Variants in GRIA4 observed in about 807,000 individuals in gnomAD.
The protein encoded by GRIA4 is glutamate receptor 4.
GRIA4 carries 34 observed loss-of-function variants against 104.0 expected under a neutral mutation model. That is an observed-to-expected ratio of 0.33 (90% confidence interval 0.25 to 0.44). The LOEUF is 0.44. GRIA4 is among the 20% of genes least tolerant of loss of function. GRIA4 has a pLI of 1.00. For synonymous variants in GRIA4, 386 were observed against 381.9 expected (o/e 1.01, Z -0.13); for missense variants, 750 against 1,096.5 (o/e 0.68, Z 4.46).
At chr11:105,945,928 A>G (rs1948296366) in intron 14 of GRIA4, among the ~76,000 whole-genome samples, 1 of 152,194 alleles carries the variant, frequency 6.6e-6, no homozygotes, top group South Asian at 2.1e-4. Context: ...ACAGAAATAT[A>G]TCATTAAGAA....
At chr11:105,754,384 A>T (rs1345691408) in intron 4 of GRIA4, among the ~76,000 whole-genome samples, 1 of 152,206 alleles carries the variant, frequency 6.6e-6, no homozygotes, top group Non-Finnish European at 1.5e-5. Context: ...ACATATTAAA[A>T]TAATTGAGCC....
intron 4 of GRIA4, among the ~76,000 whole-genome samples, chr11:105,767,242 C>T (rs547079958): frequency 5.3e-5 from 8 of 152,076 alleles, no homozygotes; most frequent in Admixed American, 2.6e-4. Flanking sequence ...TTCTGAGGCC[C>T]GCTAATGAAT....
chr11:105,808,134 C>T (rs1943025422), intron 4 of GRIA4, among the ~76,000 whole-genome samples: 1 of 151,902 alleles, frequency 6.6e-6, no homozygotes, highest in Non-Finnish European at 1.5e-5. Flanking sequence ...AAAATCTTTT[C>T]CATTGATCTA....
At chr11:105,896,388 G>C (rs905664852) in intron 6 of GRIA4, among the ~76,000 whole-genome samples, 1 of 152,094 alleles carries the variant, frequency 6.6e-6, no homozygotes, top group Non-Finnish European at 1.5e-5. Context: ...TATTTACTCT[G>C]TTGATTGTTT....
chr11:105,718,528 GA>G (rs892123402), intron 3 of GRIA4, among the ~76,000 whole-genome samples: 5 of 152,178 alleles, frequency 3.3e-5, no homozygotes, highest in Admixed American at 6.6e-5. Context: ...AGCATTCAAA[GA>G]CCTTAAAACC....
chr11:105,799,546 G>A (rs1942628841), intron 4 of GRIA4, among the ~76,000 whole-genome samples: 1 of 152,056 alleles, frequency 6.6e-6, no homozygotes, highest in Admixed American at 6.6e-5. Context: ...GATAATAGCA[G>A]ATGGAACCCA....
chr11:105,746,789 A>C (rs1341245627), intron 3 of GRIA4, among the ~76,000 whole-genome samples: 1 of 152,132 alleles, frequency 6.6e-6, no homozygotes, highest in Non-Finnish European at 1.5e-5. Context: ...GAACTAAGAA[A>C]CAGAAAAATT....
chr11:105,772,231 C>A (rs1941241428), intron 4 of GRIA4, among the ~76,000 whole-genome samples: 1 of 152,118 alleles, frequency 6.6e-6, no homozygotes, highest in Admixed American at 6.6e-5. Context: ...ATACCATAAA[C>A]CCTGAATAAC....
Position 105,640,651 on chromosome 11 carries a change from T to C in GRIA4, c.247+28217T>C, listed in dbSNP as rs146854732. Among the ~76,000 whole-genome samples the C allele has an allele frequency of 4.5e-3, 686 of 152,090 alleles. 13 individuals carry two copies. Among genetic ancestry groups the C allele is most frequent in the African/African-American group, 0.015 (641 of 41,566 alleles). On this transcript the variant is annotated intron_variant, in intron 3 of 16. Transcript: ENST00000282499. ...GTGTTTGACAATTTTAAGTAACAAT[T>C]TGACCACATTTCTACTTATTTCTAT...
At chr11:105,913,712 T>C (rs1436426727) in intron 10 of GRIA4, among the ~76,000 whole-genome samples, 2 of 152,048 alleles carry the variant, frequency 1.3e-5, no homozygotes, top group Admixed American at 1.3e-4. Flanking sequence ...GGGGAGATAA[T>C]ACAGTGATGT....
intron 4 of GRIA4, among the ~76,000 whole-genome samples, chr11:105,777,530 C>G (rs1297594485): frequency 6.6e-6 from 1 of 151,942 alleles, no homozygotes; most frequent in Non-Finnish European, 1.5e-5. Flanking sequence ...AAACTAAGTC[C>G]CATTCATTTT....
intron 3 of GRIA4, among the ~76,000 whole-genome samples, chr11:105,622,418 T>A (rs566072476): frequency 6.6e-6 from 1 of 152,050 alleles, no homozygotes; most frequent in East Asian, 1.9e-4. Context: ...GCTACATTTG[T>A]GCAAAACTGA....
chr11:105,759,987 GAATC>G (rs57246669), intron 4 of GRIA4, among the ~76,000 whole-genome samples: 67,392 of 151,454 alleles, frequency 0.44, 15,481 homozygotes, highest in Middle Eastern at 0.51. Context: ...ATGAATGAAT[GAATC>G]ATATGGTCTC....
At chr11:105,672,182 C>T (rs1040040113) in intron 3 of GRIA4, among the ~76,000 whole-genome samples, 2 of 152,104 alleles carry the variant, frequency 1.3e-5, no homozygotes, top group African/African-American at 4.8e-5. Flanking sequence ...TCAGTTACTG[C>T]AATTCTTGTG....
chr11:105,864,666 T>C (rs1421785306), intron 5 of GRIA4, among the ~76,000 whole-genome samples: 1 of 151,800 alleles, frequency 6.6e-6, no homozygotes, highest in Non-Finnish European at 1.5e-5. Context: ...AGGTCGGGAG[T>C]TCGAGACCAG....
chr11:105,791,705 T>TTA (rs139426243), intron 4 of GRIA4, among the ~76,000 whole-genome samples: 7,515 of 152,208 alleles, frequency 0.049, 271 homozygotes, highest in Admixed American at 0.073. Context: ...CTAGCTCAAC[T>TTA]TATAGAGAAT....
At chr11:105,888,706 T>C (rs1946363907) in intron 6 of GRIA4, among the ~76,000 whole-genome samples, 1 of 152,106 alleles carries the variant, frequency 6.6e-6, no homozygotes, top group Admixed American at 6.5e-5. Flanking sequence ...GCAAGTGGAC[T>C]GTCAGACTTT....
intron 3 of GRIA4, among the ~76,000 whole-genome samples, chr11:105,737,693 A>G (rs1374211399): frequency 6.6e-6 from 1 of 152,136 alleles, no homozygotes; most frequent in Non-Finnish European, 1.5e-5. Context: ...TCCAGTAGCA[A>G]TAAAGGTATA....
At chr11:105,634,468 G>GGAAAGAAA (rs751748317) in intron 3 of GRIA4, among the ~76,000 whole-genome samples, 170 of 94,338 alleles carry the variant, frequency 1.8e-3, no homozygotes, top group African/African-American at 6.7e-3. Context: ...AGAAAGAAAG[G>GGAAAGAAA]GAAAGAAAGA....
Sources: allele counts gnomAD v4.1 joint callset (sites outside exome capture counted in the v4.1 genomes callset), GRCh38; gene constraint gnomAD v4.1.1; transcripts MANE v1.5; gene names NCBI Gene and HGNC (gene_info 2026-07-23, HGNC 2026-07-21).